The following ADAMTS20 variants were observed in gnomAD, a reference collection of about 807,000 sequenced individuals.
ADAMTS20 encodes the protein A disintegrin and metalloproteinase with thrombospondin motifs 20.
A neutral mutation model predicts 260.1 loss-of-function variants in ADAMTS20; 225 were observed. The ratio of observed to expected loss-of-function variants is 0.87; its 90% CI spans 0.78 to 0.97. The LOEUF is 0.97. Among genes scored for constraint, ADAMTS20 ranks in the 50% least tolerant of loss-of-function variants. The pLI, the probability that ADAMTS20 is intolerant of heterozygous loss-of-function variation, is 0.00. For missense variants in ADAMTS20, 2,400 were observed against 2,337.7 expected, an observed-to-expected ratio of 1.03 and a Z score of -0.55; for synonymous variants, 802 against 769.5, an observed-to-expected ratio of 1.04 and a Z score of -0.70.
In ADAMTS20 at chr12:43,356,495, G is replaced by A. The variant is rs749060316; in HGVS notation, c.5632C>T (p.Arg1878Ter). The A allele has an allele frequency of 1.6e-5, 26 of 1,604,320 alleles. No individual in the cohort carries two copies. The highest frequency in any genetic ancestry group is 1.6e-4 in the Middle Eastern group (1 of 6,072). Residue 1878 changes from arginine to a stop codon, truncating the protein, a stop_gained, in exon 38 of 39, where the codon CGA becomes TGA. Transcript: ENST00000389420. LOFTEE classifies it high-confidence loss of function. ...TQGSYTSVSI[R>*]RSEDGTRFFG... ...CCCGCAGGACTTACCTCTGATCTTC[G>A]TATGCTGACAGAGGTATAACTCCCC...
In ADAMTS20 at chr12:43,432,448, T is replaced by G; in HGVS notation, c.2952A>C (p.Gly984=). 6.8e-6 allele frequency: 11 copies of G among 1,610,832 alleles called. No homozygotes were observed. Among genetic ancestry groups the G allele is most frequent in the Non-Finnish European group, 9.3e-6 (11 of 1,179,312 alleles). The stretch of plus-strand genomic sequence containing the variant: ...AATAAGATTCTCGAGACCTTTCCCC[T>G]CCTCCACAACTCCTGGAACACTGAT... The part of the protein sequence containing the change: ...EWSQCSRSCG[G]GERSRESYCM... The change falls in exon 21 of 39, where the codon GGA becomes GGC. Residue 984 remains glycine, a synonymous_variant. Transcript: ENST00000389420.
chr12:43,378,583 T>G (rs1249995379), intron 31 of ADAMTS20, among the ~76,000 whole-genome samples: 2 of 152,146 alleles, frequency 1.3e-5, no homozygotes. Flanking sequence ...GTCAAACTGT[T>G]CTCCAACAAA....
At chr12:43,439,018 A>G (rs1223891259) in intron 18 of ADAMTS20, among the ~76,000 whole-genome samples, 2 of 152,198 alleles carry the variant, frequency 1.3e-5, no homozygotes, top group Admixed American at 1.3e-4. Flanking sequence ...ATAAATATGT[A>G]CTGCATTGAA....
intron 3 of ADAMTS20, among the ~76,000 whole-genome samples, chr12:43,511,854 T>C (rs943998796): frequency 1.3e-5 from 2 of 152,248 alleles, no homozygotes; most frequent in African/African-American, 2.4e-5. Flanking sequence ...ATAATACTTG[T>C]TCTAGACTTA....
chr12:43,459,150 G>C (rs572412597), intron 11 of ADAMTS20, among the ~76,000 whole-genome samples: 3 of 152,184 alleles, frequency 2.0e-5, no homozygotes, highest in Admixed American at 2.0e-4. Flanking sequence ...TACAGCTGGA[G>C]CTGAGCTTTC....
chr12:43,387,636 T>C (rs1055121336), intron 29 of ADAMTS20, among the ~76,000 whole-genome samples: 1 of 152,202 alleles, frequency 6.6e-6, no homozygotes, highest in African/African-American at 2.4e-5. Flanking sequence ...GGGAGTTTTA[T>C]CTATAAGCTC....
chr12:43,423,851 T>C (rs1255405496), intron 28 of ADAMTS20: 7 of 719,418 alleles, frequency 9.7e-6, no homozygotes, highest in African/African-American at 1.7e-5. Context: ...GTGCTTTCCA[T>C]GGCAAAATAT....
intron 2 of ADAMTS20, among the ~76,000 whole-genome samples, chr12:43,545,678 C>T (rs1943432871): frequency 6.6e-6 from 1 of 152,198 alleles, no homozygotes; most frequent in African/African-American, 2.4e-5. Context: ...GAGCCATAGA[C>T]TCTTGTTCTG....
At chr12:43,427,003 T>C (rs779398266) in intron 27 of ADAMTS20, among the ~76,000 whole-genome samples, 2 of 151,968 alleles carry the variant, frequency 1.3e-5, no homozygotes, top group Non-Finnish European at 2.9e-5. Context: ...GAAATTCCCA[T>C]CTTTATTAAA....
chr12:43,371,265 A>T (rs1940101525), intron 36 of ADAMTS20, among the ~76,000 whole-genome samples: 1 of 152,102 alleles, frequency 6.6e-6, no homozygotes, highest in Non-Finnish European at 1.5e-5. Flanking sequence ...TGTTAACTCA[A>T]AGTTGTCTTG....
At chr12:43,437,742 G>A (rs1289410715) in intron 18 of ADAMTS20, among the ~76,000 whole-genome samples, 1 of 151,962 alleles carries the variant, frequency 6.6e-6, no homozygotes, top group Non-Finnish European at 1.5e-5. Context: ...TCAAAAAGAG[G>A]GACTGAGAGG....
At chr12:43,381,618 CAA>C (rs142351546) in intron 31 of ADAMTS20, among the ~76,000 whole-genome samples, 4 of 102,746 alleles carry the variant, frequency 3.9e-5, no homozygotes, top group Admixed American at 1.1e-4. Flanking sequence ...CCCATCTCTA[CAA>C]AAAAAAAAAA....
chr12:43,363,460 AC>A (rs1939918088), intron 37 of ADAMTS20, among the ~76,000 whole-genome samples: 1 of 152,142 alleles, frequency 6.6e-6, no homozygotes, highest in South Asian at 2.1e-4. Flanking sequence ...CTCCATGCTG[AC>A]AAGGTCAAAA....
At chr12:43,430,799 A>G (rs908253279) in intron 22 of ADAMTS20, among the ~76,000 whole-genome samples, 1 of 152,222 alleles carries the variant, frequency 6.6e-6, no homozygotes, top group Non-Finnish European at 1.5e-5. Context: ...AACACCACCT[A>G]GTGTATGCAT....
In ADAMTS20 at chr12:43,399,150, A is replaced by T. The variant is rs1478217522; in HGVS notation, c.4368T>A (p.Asn1456Lys). 2.6e-6 allele frequency: 4 copies of T among 1,563,172 alleles called. No homozygotes were observed. Among genetic ancestry groups the T allele is most frequent in the Non-Finnish European group, 3.5e-6 (4 of 1,152,310 alleles). Residue 1456 changes from asparagine (N) to lysine (K), a missense_variant, in exon 29 of 39, where the codon AAT (asparagine) becomes AAA (lysine). Asn to Lys is a moderately conservative substitution (Grantham distance 94). Transcript: ENST00000389420. ...DQFQRKLEDTNCSQVQKPPTH... is the reference protein window; with the variant it reads ...DQFQRKLEDTKCSQVQKPPTH... ...TTGGAGGTTTCTGTACTTGACTGCA[A>T]TTTGTGTCTTCTAATTTCCTTTGGA...
At position 43,377,452 on chromosome 12, in the gene ADAMTS20, T is replaced by A. The variant is rs753691579; in HGVS notation, c.4908A>T (p.Glu1636Asp). The change falls in exon 32 of 39, where the codon GAA becomes GAT. Residue 1636 changes from glutamate (E) to aspartate (D), a missense_variant. Coordinates refer to ENST00000389420, the MANE Select transcript of ADAMTS20 (RefSeq NM_025003.5). ...CCTGAGAGGAAGGCACCACAGGGCATTCTTGATAAACTATAGGCCGAAGTC... is the reference window on the plus strand; with the variant it reads ...CCTGAGAGGAAGGCACCACAGGGCAATCTTGATAAACTATAGGCCGAAGTC... The part of the protein sequence containing the change: ...LHRLRPIVYQ[E>D]CPVVPSSQVY... 1 of 1,613,734 alleles carries A rather than the reference T, an allele frequency of 6.2e-7. No homozygotes were observed. Among genetic ancestry groups the A allele is most frequent in the Admixed American group, 1.7e-5 (1 of 59,962 alleles).
At chr12:43,435,641 T>TA (rs35112845) in intron 18 of ADAMTS20, among the ~76,000 whole-genome samples, 33,442 of 83,740 alleles carry the variant, frequency 0.4, 5,206 homozygotes, top group Middle Eastern at 0.48. Flanking sequence ...ACTCCATTTC[T>TA]AAAAAAAAAA....
chr12:43,387,189 G>A (rs943806155), intron 29 of ADAMTS20, among the ~76,000 whole-genome samples: 1 of 152,176 alleles, frequency 6.6e-6, no homozygotes, highest in Non-Finnish European at 1.5e-5. Flanking sequence ...ACGTCCTTTT[G>A]TTGATGTTCA....
chr12:43,535,062 A>G (rs1457944474), intron 2 of ADAMTS20, among the ~76,000 whole-genome samples: 1 of 152,128 alleles, frequency 6.6e-6, no homozygotes, highest in Non-Finnish European at 1.5e-5. Flanking sequence ...CCAGTTTTCT[A>G]GGTAACTACA....
Sources: gnomAD v4.1 joint callset for allele counts (sites outside exome capture counted in the v4.1 genomes callset) on GRCh38, gnomAD v4.1.1 for gene constraint, MANE v1.5 for transcripts, NCBI Gene and HGNC (gene_info 2026-07-23, HGNC 2026-07-21) for gene names.